AGBL3: variants seen among roughly 807,000 people sequenced by gnomAD.
AGBL3 encodes the protein AGBL carboxypeptidase 3.
A neutral mutation model predicts 94.5 loss-of-function variants in AGBL3; 68 were observed. That is an observed-to-expected ratio of 0.72 (90% confidence interval 0.59 to 0.88). The LOEUF (loss-of-function observed/expected upper bound fraction) is 0.88. Among genes scored for constraint, AGBL3 ranks in the 40% least tolerant of loss-of-function variants. The pLI, the probability that AGBL3 is intolerant of heterozygous loss-of-function variation, is 0.00. For missense variants in AGBL3, 934 were observed against 1,103.8 expected, an observed-to-expected ratio of 0.85 and a Z score of 2.18; for synonymous variants, 354 against 370.7, an observed-to-expected ratio of 0.95 and a Z score of 0.52.
chr7:135,061,737 T>C lies in AGBL3; in HGVS notation c.1908+2502T>C, dbSNP rs145608828. 2.3e-3 allele frequency among the ~76,000 whole-genome samples: 345 copies of C among 152,208 alleles called. 1 individual carries two copies. The highest frequency in any genetic ancestry group is 7.6e-3 in the African/African-American group (316 of 41,580). On this transcript the variant is annotated intron_variant, in intron 12 of 16. Transcript: ENST00000436302. ...TTTTGGGGCTATTTCATTCTATTGG[T>C]TTATGTGTCTGTTTTTAAGCCAGTA... is the stretch of plus-strand genomic sequence containing the variant.
intron 16 of AGBL3, among the ~76,000 whole-genome samples, chr7:135,120,543 A>G (rs996427759): frequency 6.6e-6 from 1 of 152,266 alleles, no homozygotes; most frequent in Non-Finnish European, 1.5e-5. Context: ...GAAAGAGAAA[A>G]CAAAAAACAA....
chr7:135,020,751 C>T (rs1204451173), intron 5 of AGBL3, among the ~76,000 whole-genome samples: 2 of 151,934 alleles, frequency 1.3e-5, no homozygotes, highest in Non-Finnish European at 2.9e-5. Context: ...GAGTTCATGT[C>T]CCTTGTAGGG....
chr7:135,076,141 TG>T (rs1170355047), intron 12 of AGBL3, among the ~76,000 whole-genome samples: 1 of 152,318 alleles, frequency 6.6e-6, no homozygotes, highest in African/African-American at 2.4e-5. Flanking sequence ...CGAGAATATA[TG>T]AAGCAAAAAG....
chr7:135,068,759 C>T (rs556348820), intron 12 of AGBL3, among the ~76,000 whole-genome samples: 1 of 152,308 alleles, frequency 6.6e-6, no homozygotes, highest in East Asian at 1.9e-4. Context: ...AAAGGAACAA[C>T]CAGTACCAGC....
chr7:135,085,795 C>T (rs183393022), intron 15 of AGBL3, among the ~76,000 whole-genome samples: 3 of 152,008 alleles, frequency 2.0e-5, no homozygotes, highest in Admixed American at 1.3e-4. Flanking sequence ...AGCTTTATTC[C>T]TTTTGCTCAG....
intron 5 of AGBL3, among the ~76,000 whole-genome samples, chr7:135,026,267 A>ATTTTATTTATTTTATTTTATTTTT: frequency 1.1e-5 from 1 of 89,320 alleles, no homozygotes; most frequent in South Asian, 3.4e-4. Flanking sequence ...ATTTTATTTT[A>ATTTTATTTATTTTATTTTATTTTT]TTTTATTTTA....
At chr7:135,093,573 C>T (rs1367420551) in intron 15 of AGBL3, 1 of 152,042 alleles carries the variant, frequency 6.6e-6, no homozygotes, top group East Asian at 1.9e-4. Flanking sequence ...GACTTATAAA[C>T]TGAAAACTAC....
In AGBL3 at chr7:135,071,448, T is replaced by C. The variant is rs571049382; in HGVS notation, c.1909-4949T>C. On this transcript the variant is annotated intron_variant, in intron 12 of 16. Coordinates refer to ENST00000436302, the MANE Select transcript of AGBL3 (RefSeq NM_178563.4). ...TATGGAACCAAAAAAGAGCCCGCAT[T>C]GCCAAGTCAATCCTAAGCCAAAAGA... 6.9e-3 allele frequency among the ~76,000 whole-genome samples: 1,057 copies of C among 152,202 alleles called. 22 individuals carry two copies. The highest frequency in any genetic ancestry group is 0.024 in the African/African-American group (1,017 of 41,530).
intron 8 of AGBL3, among the ~76,000 whole-genome samples, chr7:135,041,923 A>G (rs1180750191): frequency 1.3e-5 from 2 of 152,334 alleles, no homozygotes; most frequent in Admixed American, 1.3e-4. Context: ...ACATGAAAAG[A>G]TGTTTGACAT....
At chr7:135,042,260 C>T (rs1204038198) in intron 8 of AGBL3, among the ~76,000 whole-genome samples, 1 of 152,126 alleles carries the variant, frequency 6.6e-6, no homozygotes, top group Non-Finnish European at 1.5e-5. Flanking sequence ...CCAAAAGCTG[C>T]AAACAACCCA....
At chr7:135,132,449 T>C (rs1828896779) in intron 16 of AGBL3, among the ~76,000 whole-genome samples, 1 of 152,212 alleles carries the variant, frequency 6.6e-6, no homozygotes. Flanking sequence ...AAATTGGTAT[T>C]CGACAGAATT....
At chr7:135,047,291 A>C (rs1817458076) in intron 11 of AGBL3, among the ~76,000 whole-genome samples, 1 of 151,962 alleles carries the variant, frequency 6.6e-6, no homozygotes, top group Admixed American at 6.6e-5. Flanking sequence ...TTCATTTGTC[A>C]AAAGATATTT....
chr7:135,055,882 C>T (rs1343803093), intron 11 of AGBL3, among the ~76,000 whole-genome samples: 1 of 152,008 alleles, frequency 6.6e-6, no homozygotes, highest in Admixed American at 6.6e-5. Context: ...CCATCTGGGA[C>T]TTGTGCTTTG....
chr7:135,052,187 G>A (rs1817937790), intron 11 of AGBL3, among the ~76,000 whole-genome samples: 1 of 151,956 alleles, frequency 6.6e-6, no homozygotes, highest in South Asian at 2.1e-4. Flanking sequence ...AAAAATATGA[G>A]TGAATAACTA....
At chr7:135,042,770 G>A (rs867334229) in intron 8 of AGBL3, among the ~76,000 whole-genome samples, 21 of 152,040 alleles carry the variant, frequency 1.4e-4, no homozygotes, top group South Asian at 4.2e-4. Flanking sequence ...AAATAGCTAC[G>A]TATGGTGGTA....
At position 135,135,245 on chromosome 7, in the gene AGBL3, T is replaced by C. The variant is rs1829292565; in HGVS notation, c.2747T>C (p.Phe916Ser). 1 of 1,522,790 alleles carries C rather than the reference T, an allele frequency of 6.6e-7. No individual in the cohort carries two copies. Among genetic ancestry groups the C allele is most frequent in the East Asian group, 2.5e-5 (1 of 40,686 alleles). 94.3% of individuals were successfully genotyped at this position (1,522,790 alleles called of 1,614,324 possible). Residue 916 changes from phenylalanine (F) to serine (S), a missense_variant, in exon 17 of 17, where the codon TTC (phenylalanine) becomes TCC (serine). This residue lies in a region of AGBL3 where 441 missense variants were observed against 518.2 expected (regional missense o/e 0.85). Transcript: ENST00000436302. ...NDGQPTLYLK[F>S]QRES ...GGACAACCCACCTTATATCTGAAGT[T>C]CCAAAGGGAGAGTTAATCTAGCTTT... is the stretch of plus-strand genomic sequence containing the variant.
intron 4 of AGBL3, among the ~76,000 whole-genome samples, chr7:135,014,485 G>A (rs1434081028): frequency 6.6e-6 from 1 of 152,126 alleles, no homozygotes; most frequent in Non-Finnish European, 1.5e-5. Context: ...AGATAAATCT[G>A]AGAACAGATA....
At chr7:135,086,936 T>G (rs1029221592) in intron 15 of AGBL3, among the ~76,000 whole-genome samples, 34 of 152,010 alleles carry the variant, frequency 2.2e-4, no homozygotes, top group Admixed American at 1.6e-3. Flanking sequence ...TTGTTCTTCT[T>G]TAAATGTTTG....
intron 5 of AGBL3, among the ~76,000 whole-genome samples, chr7:135,031,581 C>T (rs552320752): frequency 8.5e-5 from 13 of 152,248 alleles, no homozygotes; most frequent in South Asian, 2.1e-4. Context: ...TTAAACATTA[C>T]GTTGAATTTT....
Sources: gnomAD v4.1 joint callset for allele counts (sites outside exome capture counted in the v4.1 genomes callset) on GRCh38, gnomAD v4.1.1 for gene constraint, gnomAD v4.1.1 regional missense constraint, MANE v1.5 for transcripts, NCBI Gene and HGNC (gene_info 2026-07-23, HGNC 2026-07-21) for gene names.